Variants in REEP3 observed in about 807,000 individuals in gnomAD.
REEP3 encodes receptor accessory protein 3, also known as receptor expression-enhancing protein 3.
In REEP3, 20 loss-of-function variants were observed where a neutral mutation model predicts 41.3. That is an observed-to-expected ratio of 0.48 (90% CI 0.34 to 0.70). The LOEUF (loss-of-function observed/expected upper bound fraction) is 0.70, where lower values mean the gene tolerates loss of function less well. Ranked by LOEUF, REEP3 falls within the 30% of genes least tolerant of loss-of-function variation. The pLI, the probability that REEP3 is intolerant of heterozygous loss-of-function variation, is 0.01. For missense variants in REEP3, 271 were observed against 308.8 expected (o/e 0.88, Z 0.92); for synonymous variants, 104 against 101.8 (o/e 1.02, Z -0.13).
rs117546474 is a variant in REEP3, at chr10:63,528,194, C to T, written c.32+6617C>T. Among the ~76,000 whole-genome samples the T allele has an allele frequency of 1.2e-3, 188 of 152,262 alleles. 5 individuals carry two copies. In the East Asian group the frequency reaches 0.036, roughly 29 times the overall value. On this transcript the variant is annotated intron_variant, in intron 1 of 7. Transcript: ENST00000373758. ...ATTTTCAGCTGCGTTCTTTGCTCCACGTGGAAACATCTGAAAGTCAGACTG... is the reference window on the plus strand; with the variant it reads ...ATTTTCAGCTGCGTTCTTTGCTCCATGTGGAAACATCTGAAAGTCAGACTG...
chr10:63,524,733 C>T (rs1955343136), intron 1 of REEP3, among the ~76,000 whole-genome samples: 1 of 152,134 alleles, frequency 6.6e-6, no homozygotes, highest in African/African-American at 2.4e-5. Flanking sequence ...CATGAGCCAC[C>T]GCACCTGGCC....
intron 5 of REEP3, among the ~76,000 whole-genome samples, chr10:63,605,080 T>C (rs1414361513): frequency 6.6e-6 from 1 of 152,060 alleles, no homozygotes; most frequent in Non-Finnish European, 1.5e-5. Flanking sequence ...CAACAAAAAA[T>C]TATCTAACAA....
chr10:63,556,378 T>C (rs1955679899), intron 1 of REEP3, among the ~76,000 whole-genome samples: 1 of 151,986 alleles, frequency 6.6e-6, no homozygotes. Flanking sequence ...CACCTTGGCC[T>C]CCCAAAGTGC....
intron 6 of REEP3, 95 bp from the exon 7 acceptor site, chr10:63,619,560 C>T: frequency 1.9e-6 from 2 of 1,077,932 alleles, no homozygotes; most frequent in Non-Finnish European, 2.6e-6. Flanking sequence ...GGGGGAAATG[C>T]AAACCATACA....
chr10:63,614,609 G>A (rs987152761), intron 6 of REEP3, among the ~76,000 whole-genome samples: 4 of 152,166 alleles, frequency 2.6e-5, no homozygotes, highest in Admixed American at 6.5e-5. Flanking sequence ...CCAGTGTGCC[G>A]AGAGAAACTT....
intron 2 of REEP3, among the ~76,000 whole-genome samples, chr10:63,590,790 G>T (rs1276406553): frequency 6.6e-6 from 1 of 152,114 alleles, no homozygotes; most frequent in Admixed American, 6.5e-5. Flanking sequence ...ACAGTTTGTT[G>T]ATTTTACCAA....
intron 1 of REEP3, among the ~76,000 whole-genome samples, chr10:63,557,967 G>T (rs1258308140): frequency 6.6e-6 from 1 of 152,112 alleles, no homozygotes; most frequent in African/African-American, 2.4e-5. Context: ...AGAAAGCTAA[G>T]CATTGCATTG....
At chr10:63,582,356 G>A (rs1044200508) in intron 2 of REEP3, among the ~76,000 whole-genome samples, 3 of 152,096 alleles carry the variant, frequency 2.0e-5, no homozygotes, top group Non-Finnish European at 4.4e-5. Flanking sequence ...GTGATAATGA[G>A]GCCTCAGAAT....
intron 5 of REEP3, among the ~76,000 whole-genome samples, chr10:63,606,343 T>C (rs1170567024): frequency 2.3e-5 from 1 of 43,510 alleles, no homozygotes; most frequent in Non-Finnish European, 5.4e-5. Flanking sequence ...TTTGTTTCTT[T>C]CTCTCTCTCT....
At chr10:63,601,140 C>T (rs369817961) in intron 5 of REEP3, among the ~76,000 whole-genome samples, 6 of 151,664 alleles carry the variant, frequency 4.0e-5, no homozygotes, top group Admixed American at 6.6e-5. Flanking sequence ...GGTGACAGAG[C>T]GAGACTCCAT....
At chr10:63,564,266 T>G (rs1955775051) in intron 1 of REEP3, among the ~76,000 whole-genome samples, 1 of 152,146 alleles carries the variant, frequency 6.6e-6, no homozygotes, top group East Asian at 1.9e-4. Context: ...TAGACAAAGT[T>G]ATCGTATACT....
At chr10:63,528,167 A>T (rs181917432) in intron 1 of REEP3, among the ~76,000 whole-genome samples, 56 of 152,222 alleles carry the variant, frequency 3.7e-4, no homozygotes, top group African/African-American at 1.3e-3. Context: ...CTCTGTGATC[A>T]TATTTTCAGC....
At chr10:63,521,844 T>TGCGGCGCCCCTGCTCCG (rs1241282205) in intron 1 of REEP3, 1 of 188,314 alleles carries the variant, frequency 5.3e-6, no homozygotes, top group Non-Finnish European at 1.1e-5. Flanking sequence ...CTGCGTGCGG[T>TGCGGCGCCCCTGCTCCG]GCGGCGCGGC....
At chr10:63,543,362 C>A (rs1409077231) in intron 1 of REEP3, among the ~76,000 whole-genome samples, 2 of 151,986 alleles carry the variant, frequency 1.3e-5, no homozygotes, top group Non-Finnish European at 2.9e-5. Flanking sequence ...GTGGCACAGT[C>A]ATGACTCACT....
intron 2 of REEP3, among the ~76,000 whole-genome samples, chr10:63,579,953 A>G (rs1231673494): frequency 6.6e-6 from 1 of 152,226 alleles, no homozygotes; most frequent in Non-Finnish European, 1.5e-5. Flanking sequence ...TCCCTTTTTC[A>G]GAAAACATAG....
intron 2 of REEP3, among the ~76,000 whole-genome samples, chr10:63,584,947 G>A (rs1029649917): frequency 2.6e-5 from 4 of 152,086 alleles, no homozygotes; most frequent in African/African-American, 4.8e-5. Flanking sequence ...ACTTAGTATG[G>A]TTTTAAGTGA....
chr10:63,598,741 A>G (rs7074768), intron 4 of REEP3, among the ~76,000 whole-genome samples: 105,488 of 147,564 alleles, frequency 0.71, 38,090 homozygotes, highest in East Asian at 0.98. Context: ...CCGAGATTGC[A>G]CAACTGCACT....
chr10:63,578,543 G>A (rs1248610137), intron 2 of REEP3, among the ~76,000 whole-genome samples: 4 of 152,138 alleles, frequency 2.6e-5, no homozygotes, highest in Non-Finnish European at 4.4e-5. Context: ...GGCCGAGGTG[G>A]ATGGATCAAT....
At chr10:63,610,480 A>G (rs1331243118) in intron 6 of REEP3, 146 bp downstream of exon 6, 2 of 734,138 alleles carry the variant, frequency 2.7e-6, no homozygotes, top group African/African-American at 1.8e-5. Flanking sequence ...TAAAACCTAG[A>G]TGATGGGTTG....
Sources: allele counts gnomAD v4.1 joint callset (sites outside exome capture counted in the v4.1 genomes callset), GRCh38; gene constraint gnomAD v4.1.1; transcripts MANE v1.5; gene names NCBI Gene and HGNC (gene_info 2026-07-23, HGNC 2026-07-21).